Variants in RPTOR observed in about 807,000 individuals in gnomAD.
RPTOR encodes regulatory-associated protein of mTOR.
RPTOR carries 21 observed loss-of-function variants against 169.9 expected under a neutral mutation model. The observed-to-expected ratio is 0.12, with a 90% CI of 0.09 to 0.18. The LOEUF is 0.18. RPTOR is among the 10% of genes least tolerant of loss of function. RPTOR has a pLI of 1.00. For missense variants in RPTOR, 1,133 were observed against 1,855.9 expected, an observed-to-expected ratio of 0.61 and a Z score of 7.16; for synonymous variants, 732 against 753.2, an observed-to-expected ratio of 0.97 and a Z score of 0.46.
intron 2 of RPTOR, among the ~76,000 whole-genome samples, chr17:80,641,955 A>G (rs1055808210): frequency 2.6e-5 from 4 of 152,188 alleles, no homozygotes; most frequent in Non-Finnish European, 5.9e-5. Flanking sequence ...TTTACCCCCA[A>G]CAGACAGACC....
intron 1 of RPTOR, among the ~76,000 whole-genome samples, chr17:80,553,401 TTC>T (rs1387536240): frequency 6.6e-6 from 1 of 152,192 alleles, no homozygotes; most frequent in Non-Finnish European, 1.5e-5. Flanking sequence ...GAGCTGTCAC[TTC>T]AAGGAATACA....
chr17:80,850,051 T>A (rs555634923), intron 11 of RPTOR, among the ~76,000 whole-genome samples: 18 of 152,226 alleles, frequency 1.2e-4, no homozygotes, highest in Non-Finnish European at 2.1e-4. Context: ...ATGTGTTCAT[T>A]TATTTACTTG....
Position 80,963,403 on chromosome 17 carries a change from GTGCGGCCCTCACCCCGTCCCCTC to G in RPTOR, c.3939+392_3939+414del, listed in dbSNP as rs1568014868. 1.2e-3 allele frequency among the ~76,000 whole-genome samples: 144 copies of G among 119,324 alleles called. 14 individuals are homozygous for G. The highest frequency in any genetic ancestry group is 2.1e-3 in the East Asian group (9 of 4,238). 78.3% of individuals were successfully genotyped at this position (119,324 alleles called of 152,430 possible). A position where few individuals can be genotyped will look rare whatever the true frequency, so the allele number is the denominator to read the frequency against. On this transcript the variant is annotated intron_variant, in intron 33 of 33. Transcript: ENST00000306801. ...CTGTGCGGCCCTCACCCCGTCCCCT[GTGCGGCCCTCACCCCGTCCCCTC>G]TGCGGCCCTCACCCCGTCCCCTCTG...
chr17:80,854,193 G>T (rs10871489), intron 11 of RPTOR, among the ~76,000 whole-genome samples: 1 of 152,034 alleles, frequency 6.6e-6, no homozygotes, highest in Non-Finnish European at 1.5e-5. Flanking sequence ...AAGAAATCCA[G>T]ATGAAAAGGA....
Position 80,909,375 on chromosome 17 carries a change from CTGTTTTT to C in RPTOR, c.2520+454_2520+460del, listed in dbSNP as rs557670955. ...GGATTACAAGCGTGAGCCACTGCAC[CTGTTTTT>C]TGTTTTTGTAAGACAGTCTCACTCT... On this transcript the variant is annotated intron_variant, in intron 21 of 33. Coordinates refer to ENST00000306801, the MANE Select transcript of RPTOR (RefSeq NM_020761.3). 8.2e-4 allele frequency among the ~76,000 whole-genome samples: 124 copies of C among 152,108 alleles called. 1 individual carries two copies. Among genetic ancestry groups the C allele is most frequent in the Middle Eastern group, 3.4e-3 (1 of 294 alleles).
chr17:80,582,571 C>T (rs12941673), intron 1 of RPTOR, among the ~76,000 whole-genome samples: 26,008 of 135,022 alleles, frequency 0.19, 2,721 homozygotes, highest in East Asian at 0.27. Flanking sequence ...TTTGAGACAG[C>T]GTCTTGCTCT....
At position 80,667,304 on chromosome 17, in the gene RPTOR, G is replaced by A. The variant is rs1312838999; in HGVS notation, c.348+23494G>A. 2.0e-5 allele frequency among the ~76,000 whole-genome samples: 3 copies of A among 152,186 alleles called. No homozygotes were observed. In the East Asian group the frequency reaches 5.8e-4, roughly 29 times the overall value. On this transcript the variant is annotated intron_variant, in intron 3 of 33. Coordinates refer to ENST00000306801, the MANE Select transcript of RPTOR (RefSeq NM_020761.3). ...TGGTGACGTCTGAGCTGGGAGCGAA[G>A]GGAGACCAGGGCTGGGCAAGGTGGG...
chr17:80,545,698 C>T lies in RPTOR; in HGVS notation c.69C>T (p.Asp23=), dbSNP rs745319084. The T allele has an allele frequency of 6.2e-7, 1 of 1,613,926 alleles. No homozygotes were observed. The highest frequency in any genetic ancestry group is 8.5e-7 in the Non-Finnish European group (1 of 1,179,900). Residue 23 remains aspartate, a synonymous_variant, in exon 1 of 34, where the codon GAC becomes GAT. Transcript: ENST00000306801. ...AGGAAGATGAGGCTGATCTTACAGA[C>T]TGGAACCTACCTTTGGCTTTTATGA... ...LGEEDEADLT[D]WNLPLAFMKK... is the part of the protein sequence containing the mutation.
chr17:80,767,063 T>C (rs1456559690), intron 6 of RPTOR, among the ~76,000 whole-genome samples: 2 of 152,200 alleles, frequency 1.3e-5, no homozygotes, highest in African/African-American at 4.8e-5. Flanking sequence ...ACATCCTTAC[T>C]GATCCTACAG....
intron 1 of RPTOR, among the ~76,000 whole-genome samples, chr17:80,619,246 G>T (rs1005664706): frequency 6.6e-6 from 1 of 152,110 alleles, no homozygotes; most frequent in African/African-American, 2.4e-5. Flanking sequence ...GGATAAGTGT[G>T]AGCCACACTC....
intron 9 of RPTOR, among the ~76,000 whole-genome samples, chr17:80,830,695 GTGCACTGCTCCTCAGGAA>G (rs1293166920): frequency 6.6e-6 from 1 of 152,166 alleles, no homozygotes; most frequent in Non-Finnish European, 1.5e-5. Context: ...GAGATCGCAG[GTGCACTGCTCCTCAGGAA>G]TGGCAGAGGC....
At chr17:80,576,735 G>A (rs1487918727) in intron 1 of RPTOR, among the ~76,000 whole-genome samples, 5 of 152,242 alleles carry the variant, frequency 3.3e-5, no homozygotes, top group South Asian at 2.1e-4. Flanking sequence ...ACAGGGTCTC[G>A]CTCTGTTATC....
chr17:80,927,608 GTCTGTC>G (rs778222133), intron 24 of RPTOR, among the ~76,000 whole-genome samples: 3 of 132,610 alleles, frequency 2.3e-5, no homozygotes, highest in Non-Finnish European at 4.9e-5. Flanking sequence ...CCGTGTGTGT[GTCTGTC>G]TGTCTGTCTG....
chr17:80,625,363 G>A (rs1434061526), intron 1 of RPTOR, among the ~76,000 whole-genome samples: 1 of 152,144 alleles, frequency 6.6e-6, no homozygotes, highest in Non-Finnish European at 1.5e-5. Flanking sequence ...AAGGAATTTG[G>A]CAGAATGTAT....
rs2069215611 is a variant in RPTOR at position 80,953,947 on chromosome 17, C to T, written c.3371-3677C>T. On this transcript the variant is annotated intron_variant, in intron 28 of 33. Transcript: ENST00000306801. Reference sequence around the variant, plus strand: ...CTTCTGACCTGCTGGGACATTTCTTCCTGCCTGGGTTCAGGTGTATCACAG... The same window carrying T: ...CTTCTGACCTGCTGGGACATTTCTTTCTGCCTGGGTTCAGGTGTATCACAG... 2.0e-5 allele frequency among the ~76,000 whole-genome samples: 3 copies of T among 152,242 alleles called. No individual in the cohort carries two copies. In the South Asian group the frequency reaches 6.2e-4, roughly 31 times the overall value.
Position 80,869,054 on chromosome 17 carries a change from G to A in RPTOR, c.1509+11154G>A, listed in dbSNP as rs138045954. ...CGTACGTCCAAAATCTTCAAATTCC[G>A]TACTTCAAATTTATATGTCGCTTAT... On this transcript the variant is annotated intron_variant, in intron 13 of 33. Transcript: ENST00000306801. Among the ~76,000 whole-genome samples, 36 of 152,230 alleles carry A rather than the reference G, an allele frequency of 2.4e-4. 1 individual carries two copies. Among genetic ancestry groups the A allele is most frequent in the African/African-American group, 6.7e-4 (28 of 41,528 alleles).
At chr17:80,626,588 C>A (rs2065396253) in intron 2 of RPTOR, among the ~76,000 whole-genome samples, 1 of 151,960 alleles carries the variant, frequency 6.6e-6, no homozygotes, top group African/African-American at 2.4e-5. Context: ...CTCACAACAA[C>A]CTTGTGTGGT....
chr17:80,853,311 G>A (rs1230343760), intron 11 of RPTOR, among the ~76,000 whole-genome samples: 14 of 152,114 alleles, frequency 9.2e-5, no homozygotes, highest in Admixed American at 8.5e-4. Flanking sequence ...CCTGCAACGC[G>A]GTAACCCCCT....
chr17:80,904,779 C>T (rs2068520097), intron 20 of RPTOR, among the ~76,000 whole-genome samples: 2 of 152,096 alleles, frequency 1.3e-5, no homozygotes, highest in Admixed American at 1.3e-4. Context: ...GTTCATACAA[C>T]GGAGCCTGAG....
Sources: allele counts gnomAD v4.1 joint callset (sites outside exome capture counted in the v4.1 genomes callset), GRCh38; gene constraint gnomAD v4.1.1; transcripts MANE v1.5; gene names NCBI Gene and HGNC (gene_info 2026-07-23, HGNC 2026-07-21).